LMBRD2: variants seen among roughly 807,000 people sequenced by gnomAD.
LMBRD2 encodes G protein-coupled receptor-associated protein LMBRD2.
Under a neutral mutation model 94.4 loss-of-function variants are expected in LMBRD2, and 55 were observed. The observed-to-expected ratio is 0.58, with a 90% CI of 0.47 to 0.73. LMBRD2 has a LOEUF of 0.73. Among genes scored for constraint, LMBRD2 ranks in the 30% least tolerant of loss-of-function variants. The pLI is 0.00. For missense variants in LMBRD2, 640 were observed against 831.9 expected, an observed-to-expected ratio of 0.77 and a Z score of 2.84; for synonymous variants, 246 against 272.4, an observed-to-expected ratio of 0.90 and a Z score of 0.95.
At position 36,151,339 on chromosome 5, in the gene LMBRD2, C is replaced by T. The variant is rs1301615351; in HGVS notation, c.-58+217G>A. Among the ~76,000 whole-genome samples, 1 of 152,186 alleles carries T rather than the reference C, an allele frequency of 6.6e-6. No individual in the cohort carries two copies. The highest frequency in any genetic ancestry group is 1.5e-5 in the Non-Finnish European group (1 of 68,038). ...GGCTGCAAGGGCATGCGCAGCCTTC[C>T]CACCACACAGGACCCGCTGGGGTCT... is the stretch of plus-strand genomic sequence containing the variant. On this transcript the variant is annotated intron_variant, in intron 1 of 17. Coordinates refer to ENST00000296603, the MANE Select transcript of LMBRD2 (RefSeq NM_001007527.2). This position sits in a 1 kb window ranked among gnomAD's most constrained non-coding sequence, Gnocchi z 4.7.
chr5:36,138,690 C>T (rs77227772), intron 4 of LMBRD2, among the ~76,000 whole-genome samples: 1,813 of 152,198 alleles, frequency 0.012, 41 homozygotes, highest in African/African-American at 0.042. Context: ...TTTTTCGGTA[C>T]GAACTTATGC....
rs1222964119 is a variant in LMBRD2, at chr5:36,136,298, A to T, written c.747+11T>A. On this transcript the variant is annotated intron_variant, in intron 6 of 17. Coordinates refer to ENST00000296603, the MANE Select transcript of LMBRD2 (RefSeq NM_001007527.2). ...TAGTGACTATTGCTTATAAGGTTCA[A>T]ACTTGCTTACCTCCATGGCATCTTC... 2 of 1,613,252 alleles carry T rather than the reference A, an allele frequency of 1.2e-6. No homozygotes were observed. The highest frequency in any genetic ancestry group is 1.3e-5 in the African/African-American group (1 of 74,928).
chr5:36,112,382 T>C (rs908595290), intron 13 of LMBRD2, among the ~76,000 whole-genome samples: 5 of 152,164 alleles, frequency 3.3e-5, no homozygotes, highest in African/African-American at 7.2e-5. Flanking sequence ...AAACAACTTA[T>C]GCTCTCTAGG....
In LMBRD2 at chr5:36,120,218, T is replaced by C. The variant is rs1273414227; in HGVS notation, c.1120+2062A>G. Among the ~76,000 whole-genome samples, 7 of 151,806 alleles carry C rather than the reference T, an allele frequency of 4.6e-5. No homozygotes were observed. The Middle Eastern group carries it at 0.01, about 223-fold the overall frequency. On this transcript the variant is annotated intron_variant, in intron 9 of 17. Transcript: ENST00000296603. ...GGACTACAGGTAGGCTGGAGTGCAG[T>C]GGCGCAATCTCGGCTCACTGCAACC...
intron 6 of LMBRD2, among the ~76,000 whole-genome samples, chr5:36,124,543 C>T (rs888392614): frequency 1.3e-5 from 2 of 152,232 alleles, no homozygotes; most frequent in Middle Eastern, 3.4e-3. Context: ...TAAAAGTCCA[C>T]AAAAGATCAG....
intron 3 of LMBRD2, among the ~76,000 whole-genome samples, 181 bp from the exon 4 acceptor site, chr5:36,141,383 AACAC>A (rs1744406254): frequency 6.6e-6 from 1 of 152,202 alleles, no homozygotes; most frequent in African/African-American, 2.4e-5. Flanking sequence ...AAACTAAAAA[AACAC>A]ACAAAAGCAA....
At chr5:36,131,216 T>C (rs1452846039) in intron 6 of LMBRD2, among the ~76,000 whole-genome samples, 2 of 152,086 alleles carry the variant, frequency 1.3e-5, no homozygotes, top group South Asian at 2.1e-4. Context: ...ATCATATTAA[T>C]AGAATGAAGG....
At chr5:36,108,237 G>T (rs904236604) in intron 16 of LMBRD2, among the ~76,000 whole-genome samples, 33 of 152,124 alleles carry the variant, frequency 2.2e-4, no homozygotes, top group Non-Finnish European at 4.3e-4. Context: ...AAGGTAAGTT[G>T]TAGAAATAAA....
intron 12 of LMBRD2, among the ~76,000 whole-genome samples, 195 bp downstream of exon 12, chr5:36,114,820 C>CA (rs987677943): frequency 1.1e-4 from 16 of 151,004 alleles, no homozygotes; most frequent in Admixed American, 6.6e-4. Context: ...ATATATGAAC[C>CA]AAAAAAAACA....
rs771874916 is a variant in LMBRD2 at position 36,117,750 on chromosome 5, A to C, written c.1287T>G (p.Asn429Lys). 1.9e-6 allele frequency: 3 copies of C among 1,604,362 alleles called. No homozygotes were observed. The highest frequency in any genetic ancestry group is 2.6e-6 in the Non-Finnish European group (3 of 1,175,002). ...ATAAACTGACCTCGATATAAATATA[A>C]TTATATGTTTTTTCTGCCAGCTGTA... is the stretch of plus-strand genomic sequence containing the variant. ...VFIQLAEKTY[N>K]YIYIEIACFL... Residue 429 changes from asparagine to lysine, a missense_variant, in exon 10 of 18, where the codon AAT (asparagine) becomes AAG (lysine). Physicochemically the swap from Asn to Lys is moderately conservative, Grantham distance 94 (BLOSUM62 0). This residue lies in a region of LMBRD2 where 457 missense variants were observed against 642.8 expected (regional missense o/e 0.71). Coordinates refer to ENST00000296603, the MANE Select transcript of LMBRD2 (RefSeq NM_001007527.2).
intron 17 of LMBRD2, among the ~76,000 whole-genome samples, chr5:36,104,725 TAATA>T (rs1212967873): frequency 6.6e-6 from 1 of 151,978 alleles, no homozygotes; most frequent in Non-Finnish European, 1.5e-5. Flanking sequence ...TTACTAAATA[TAATA>T]AATTTCACAA....
At chr5:36,106,515 T>G (rs1442526416) in intron 16 of LMBRD2, among the ~76,000 whole-genome samples, 1 of 147,388 alleles carries the variant, frequency 6.8e-6, no homozygotes, top group Non-Finnish European at 1.5e-5. Flanking sequence ...TTTCGTTTTT[T>G]TTTTTTTTTT....
intron 1 of LMBRD2, among the ~76,000 whole-genome samples, chr5:36,144,668 G>A (rs1245362953): frequency 1.3e-5 from 2 of 152,020 alleles, no homozygotes; most frequent in Non-Finnish European, 1.5e-5. Context: ...TGGGCAACAA[G>A]AGCAAAATTC....
rs184065634 is a variant in LMBRD2, at chr5:36,130,894, T to C, written c.747+5415A>G. 1.6e-4 allele frequency among the ~76,000 whole-genome samples: 24 copies of C among 152,312 alleles called. No individual in the cohort carries two copies. The East Asian group carries it at 4.6e-3, about 29-fold the overall frequency. On this transcript the variant is annotated intron_variant, in intron 6 of 17. Coordinates refer to ENST00000296603, the MANE Select transcript of LMBRD2 (RefSeq NM_001007527.2). ...GCCCAGGACCCAATGGCTTCACTGC[T>C]GAATTTTACCAAACATTTAAAGAAC...
intron 17 of LMBRD2, 85 bp from the exon 18 acceptor site, chr5:36,104,191 G>T: frequency 1.9e-6 from 2 of 1,059,912 alleles, no homozygotes; most frequent in Non-Finnish European, 2.9e-6. Flanking sequence ...AAAAGGGAGT[G>T]GCCATATAAT....
intron 1 of LMBRD2, among the ~76,000 whole-genome samples, chr5:36,150,983 C>T (rs1744688617): frequency 6.6e-6 from 1 of 152,210 alleles, no homozygotes; most frequent in Admixed American, 6.5e-5. Flanking sequence ...TATAAATCTT[C>T]ATTTTTATGA....
rs867986081 is a variant in LMBRD2, at chr5:36,112,059, A to C, written c.1641-801T>G. On this transcript the variant is annotated intron_variant, in intron 13 of 17. Coordinates refer to ENST00000296603, the MANE Select transcript of LMBRD2 (RefSeq NM_001007527.2). ...GAGGAGAAAGTGGTGAAGGAGAGAG[A>C]GAGAGAGAGAGACGAAGGGAAAACA... is the stretch of plus-strand genomic sequence containing the variant. Among the ~76,000 whole-genome samples the C allele has an allele frequency of 4.6e-5, 7 of 152,168 alleles. No homozygotes were observed. The South Asian group carries it at 1.2e-3, about 27-fold the overall frequency.
Position 36,118,109 on chromosome 5 carries a change from C to T in LMBRD2, c.1121-193G>A, listed in dbSNP as rs538269619. ...TGGGACAAACTGACATCATGTGCCT[C>T]CTGCTATGATGTACTGATAGGAATG... On this transcript the variant is annotated intron_variant, in intron 9 of 17. Coordinates refer to ENST00000296603, the MANE Select transcript of LMBRD2 (RefSeq NM_001007527.2). Among the ~76,000 whole-genome samples the T allele has an allele frequency of 2.0e-5, 3 of 152,180 alleles. No individual in the cohort carries two copies. In the East Asian group the frequency reaches 5.8e-4, roughly 29 times the overall value.
Position 36,124,237 on chromosome 5 carries a change from T to C in LMBRD2, c.776A>G (p.Lys259Arg). The C allele has an allele frequency of 6.3e-7, 1 of 1,590,946 alleles. No homozygotes were observed. Among genetic ancestry groups the C allele is most frequent in the Non-Finnish European group, 8.6e-7 (1 of 1,160,576 alleles). The change falls in exon 7 of 18, where the codon AAG becomes AGG. Residue 259 changes from lysine (K) to arginine (R), a missense_variant. By Grantham distance (26) the Lys-to-Arg change is conservative. This residue lies in a region of LMBRD2 where 457 missense variants were observed against 642.8 expected (regional missense o/e 0.71). Coordinates refer to ENST00000296603, the MANE Select transcript of LMBRD2 (RefSeq NM_001007527.2). ...ACATTTTCTCAATGGGTGATTATAC[T>C]TGATGCTTTCATTCACTTTACGAAC... Reference protein sequence around the residue: ...EEVRKVNESIKYNHPLRKCVD... With the variant: ...EEVRKVNESIRYNHPLRKCVD...
Sources: allele counts gnomAD v4.1 joint callset (sites outside exome capture counted in the v4.1 genomes callset), GRCh38; gene constraint gnomAD v4.1.1; regional missense constraint gnomAD v4.1.1; non-coding constraint Gnocchi (gnomAD v3.1); transcripts MANE v1.5; gene names NCBI Gene and HGNC (gene_info 2026-07-23, HGNC 2026-07-21).